PHACTR3: variants seen among roughly 807,000 people sequenced by gnomAD.
PHACTR3 encodes protein phosphatase 1, regulatory subunit 123.
Under a neutral mutation model 66.8 loss-of-function variants are expected in PHACTR3, and 16 were observed. The ratio of observed to expected loss-of-function variants is 0.24; its 90% CI spans 0.16 to 0.36. The LOEUF (loss-of-function observed/expected upper bound fraction) is 0.36, where lower values mean the gene tolerates loss of function less well. Among genes scored for constraint, PHACTR3 ranks in the 10% least tolerant of loss-of-function variants. The probability of loss-of-function intolerance (pLI) is 1.00; values close to 1 mark genes in which losing one functional copy is unlikely to be tolerated. For missense variants in PHACTR3, 647 were observed against 719.9 expected, an observed-to-expected ratio of 0.90 and a Z score of 1.16; for synonymous variants, 323 against 292.1, an observed-to-expected ratio of 1.11 and a Z score of -1.08.
chr20:59,809,098 G>A (rs1239431304), intron 8 of PHACTR3, among the ~76,000 whole-genome samples: 4 of 152,132 alleles, frequency 2.6e-5, no homozygotes, highest in Non-Finnish European at 5.9e-5. Flanking sequence ...TCATTTCGAG[G>A]AAGGGTTGTT....
intron 1 of PHACTR3, among the ~76,000 whole-genome samples, chr20:59,635,101 CTCTTTCTTTCTT>C (rs1357018312): frequency 0.042 from 3,894 of 92,972 alleles, 214 homozygotes; most frequent in Middle Eastern, 0.071. Flanking sequence ...TTCTTTCTCT[CTCTTTCTTTCTT>C]TCTTTCTTTC....
intron 7 of PHACTR3, among the ~76,000 whole-genome samples, chr20:59,779,655 T>A (rs749514846): frequency 2.0e-5 from 3 of 152,274 alleles, no homozygotes; most frequent in Non-Finnish European, 2.9e-5. Flanking sequence ...GCAGACGTTG[T>A]CTTATCCCAT....
At chr20:59,641,002 A>G (rs1317452664) in intron 1 of PHACTR3, among the ~76,000 whole-genome samples, 1 of 152,174 alleles carries the variant, frequency 6.6e-6, no homozygotes, top group Non-Finnish European at 1.5e-5. Flanking sequence ...ATATAGATAC[A>G]TAGATATATG....
At chr20:59,846,477 T>A (rs1183825368) in intron 12 of PHACTR3, among the ~76,000 whole-genome samples, 1 of 152,214 alleles carries the variant, frequency 6.6e-6, no homozygotes, top group Non-Finnish European at 1.5e-5. Flanking sequence ...AAAAACAGTT[T>A]CAGTAAATCA....
At chr20:59,840,551 ACAT>A (rs1312179709) in intron 10 of PHACTR3, 121 bp downstream of exon 10, 2 of 1,400,676 alleles carry the variant, frequency 1.4e-6, no homozygotes, top group Non-Finnish European at 1.9e-6. Context: ...GTTCTCCTGG[ACAT>A]CATGGCATCA....
intron 1 of PHACTR3, among the ~76,000 whole-genome samples, chr20:59,719,728 T>C (rs999209108): frequency 3.3e-5 from 5 of 152,224 alleles, no homozygotes; most frequent in Admixed American, 2.0e-4. Flanking sequence ...TTAGTTCGGC[T>C]TCCCAAACTA....
At chr20:59,754,825 G>A (rs996888758) in intron 3 of PHACTR3, among the ~76,000 whole-genome samples, 3 of 152,248 alleles carry the variant, frequency 2.0e-5, no homozygotes, top group African/African-American at 4.8e-5. Flanking sequence ...GTGTCCCATC[G>A]ACCAAAGCAA....
At chr20:59,622,997 A>AAAAAAAAAAAAAAAAC (rs2034310417) in intron 1 of PHACTR3, among the ~76,000 whole-genome samples, 1 of 145,448 alleles carries the variant, frequency 6.9e-6, no homozygotes, top group Admixed American at 6.8e-5. Context: ...AAAAAAAAAA[A>AAAAAAAAAAAAAAAAC]AAAACCCAAA....
At chr20:59,582,767 G>T (rs1224250785) in intron 1 of PHACTR3, among the ~76,000 whole-genome samples, 5 of 152,122 alleles carry the variant, frequency 3.3e-5, no homozygotes, top group African/African-American at 7.2e-5. Context: ...GGGGTCGTTC[G>T]TGTGTTTCCG....
At chr20:59,780,088 G>A (rs773926733) in intron 7 of PHACTR3, among the ~76,000 whole-genome samples, 75 of 152,214 alleles carry the variant, frequency 4.9e-4, no homozygotes, top group Non-Finnish European at 2.4e-4. Flanking sequence ...GCGAGGGACT[G>A]AGGGGCTGCT....
intron 7 of PHACTR3, among the ~76,000 whole-genome samples, chr20:59,774,899 CTG>C (rs1461553064): frequency 3.3e-5 from 5 of 151,588 alleles, no homozygotes; most frequent in Non-Finnish European, 5.9e-5. Flanking sequence ...CAAAAAAAAA[CTG>C]TAACAAGTAA....
chr20:59,693,910 CTT>C (rs1189617661), intron 1 of PHACTR3, among the ~76,000 whole-genome samples: 1 of 152,224 alleles, frequency 6.6e-6, no homozygotes, highest in African/African-American at 2.4e-5. Context: ...CCCACCATCT[CTT>C]CTGCAGGCAA....
intron 8 of PHACTR3, among the ~76,000 whole-genome samples, chr20:59,833,207 G>C (rs762232308): frequency 6.6e-6 from 1 of 152,196 alleles, no homozygotes; most frequent in Non-Finnish European, 1.5e-5. Context: ...AGACCATTCA[G>C]GGGTACCCTG....
chr20:59,656,680 T>C (rs529354116), intron 1 of PHACTR3, among the ~76,000 whole-genome samples: 1 of 152,100 alleles, frequency 6.6e-6, no homozygotes, highest in African/African-American at 2.4e-5. Flanking sequence ...CATTTTATTT[T>C]TCATTTTCTA....
intron 11 of PHACTR3, among the ~76,000 whole-genome samples, chr20:59,841,803 A>T (rs2059067859): frequency 6.6e-6 from 1 of 152,146 alleles, no homozygotes; most frequent in Non-Finnish European, 1.5e-5. Context: ...CTCCTGGTAG[A>T]GGCCAGGGAC....
chr20:59,583,234 T>A (rs1479855906), intron 1 of PHACTR3, among the ~76,000 whole-genome samples: 2 of 152,134 alleles, frequency 1.3e-5, no homozygotes, highest in African/African-American at 4.8e-5. Flanking sequence ...AGTCACTGGG[T>A]TTAACCCAGG....
chr20:59,738,000 G>C (rs894421262), intron 1 of PHACTR3, among the ~76,000 whole-genome samples: 1 of 152,154 alleles, frequency 6.6e-6, no homozygotes, highest in African/African-American at 2.4e-5. Context: ...GGGCAGAAGT[G>C]GGGGGAGGCA....
chr20:59,705,066 C>A (rs190584451), intron 1 of PHACTR3, among the ~76,000 whole-genome samples: 1 of 151,756 alleles, frequency 6.6e-6, no homozygotes, highest in Non-Finnish European at 1.5e-5. Flanking sequence ...AAGCAATTCT[C>A]CTGCCTCAGC....
intron 1 of PHACTR3, among the ~76,000 whole-genome samples, chr20:59,741,635 C>T (rs1366954577): frequency 6.6e-6 from 1 of 152,196 alleles, no homozygotes; most frequent in Non-Finnish European, 1.5e-5. Context: ...CATTTTGTTT[C>T]ATTCTAACTA....
Sources: allele counts gnomAD v4.1 joint callset (sites outside exome capture counted in the v4.1 genomes callset), GRCh38; gene constraint gnomAD v4.1.1; transcripts MANE v1.5; gene names NCBI Gene and HGNC (gene_info 2026-07-23, HGNC 2026-07-21).